The following MBTPS1 variants were observed in gnomAD, a reference collection of about 807,000 sequenced individuals.
MBTPS1 encodes membrane-bound transcription factor site-1 protease.
Under a neutral mutation model 127.8 loss-of-function variants are expected in MBTPS1, and 94 were observed. The observed-to-expected ratio is 0.74, with a 90% CI of 0.62 to 0.87. MBTPS1 has a LOEUF of 0.87. Ranked by LOEUF, MBTPS1 falls within the 40% of genes least tolerant of loss-of-function variation. The pLI is 0.00. For synonymous variants in MBTPS1, 632 were observed against 509.4 expected (o/e 1.24, Z -3.24); for missense variants, 1,636 against 1,353.2 (o/e 1.21, Z -3.28).
intron 1 of MBTPS1, among the ~76,000 whole-genome samples, chr16:84,106,484 G>A (rs1348536560): frequency 6.6e-6 from 1 of 152,178 alleles, no homozygotes; most frequent in East Asian, 1.9e-4. Flanking sequence ...CAGTGGGAAA[G>A]CAAGTGAAAA....
intron 10 of MBTPS1, among the ~76,000 whole-genome samples, chr16:84,083,505 G>A (rs2085972650): frequency 2.0e-5 from 3 of 151,476 alleles, no homozygotes; most frequent in Non-Finnish European, 4.4e-5. Flanking sequence ...TGCCCCAGCT[G>A]CTCTCAAACT....
At chr16:84,099,775 CAA>C (rs57148184) in intron 2 of MBTPS1, among the ~76,000 whole-genome samples, 31 of 76,326 alleles carry the variant, frequency 4.1e-4, no homozygotes, top group African/African-American at 4.0e-4. Flanking sequence ...GCCTCCGTCT[CAA>C]AAAAAAAAAA....
chr16:84,102,190 G>A (rs4782892), intron 1 of MBTPS1, 83 bp from the exon 2 acceptor site: 42,354 of 154,154 alleles, frequency 0.27, 5,967 homozygotes, highest in African/African-American at 0.32. Flanking sequence ...TATAATTTAA[G>A]CAAGTGGGTC....
rs569779112 is a variant in MBTPS1 at position 84,054,203 on chromosome 16, T to G, written c.*246A>C. ...CTCCCGAGTCTTTGGTGCGCACAGCTGCCGGCGGGAAGTCTCACTGGCGGC... is the reference window on the plus strand; with the variant it reads ...CTCCCGAGTCTTTGGTGCGCACAGCGGCCGGCGGGAAGTCTCACTGGCGGC... On this transcript the variant is annotated 3_prime_UTR_variant, in exon 23 of 23. Transcript: ENST00000343411. 14 of 350,186 alleles carry G rather than the reference T, an allele frequency of 4.0e-5. No homozygotes were observed. In the South Asian group the frequency reaches 5.2e-4, roughly 13 times the overall value. The allele number at this position is 350,186 out of a possible 1,614,324, so 21.7% of individuals were successfully genotyped here.
At chr16:84,103,627 A>G (rs1179210065) in intron 1 of MBTPS1, among the ~76,000 whole-genome samples, 1 of 152,202 alleles carries the variant, frequency 6.6e-6, no homozygotes, top group Non-Finnish European at 1.5e-5. Flanking sequence ...TCAAGCTGTA[A>G]AACTCATTCT....
intron 1 of MBTPS1, chr16:84,110,804 G>C (rs12928379): frequency 1.3e-5 from 2 of 152,102 alleles, no homozygotes; most frequent in East Asian, 3.9e-4. Context: ...GAGGCAGGTC[G>C]CCTGCTTTCC....
intron 22 of MBTPS1, among the ~76,000 whole-genome samples, chr16:84,055,189 G>T (rs2085504348): frequency 6.6e-6 from 1 of 152,216 alleles, no homozygotes; most frequent in Non-Finnish European, 1.5e-5. Flanking sequence ...CAATACGACT[G>T]GGCAAGGCCA....
chr16:84,060,599 G>T, intron 20 of MBTPS1, 83 bp downstream of exon 20: 1 of 1,511,836 alleles, frequency 6.6e-7, no homozygotes, highest in African/African-American at 1.4e-5. Context: ...CCCACTTGCT[G>T]GCAGGCACAG....
chr16:84,070,759 A>G lies in MBTPS1; in HGVS notation c.1611T>C (p.Tyr537=). The change falls in exon 13 of 23, where the codon TAT becomes TAC. Residue 537 remains tyrosine (Y), a synonymous_variant. Coordinates refer to ENST00000343411, the MANE Select transcript of MBTPS1 (RefSeq NM_003791.4). ...CAATGTTGTCTCCGTTCTGTGGCAA[A>G]TAGGGCTGCCAGTCAGGCTGCAGGA... ...RIVDKPDWQP[Y]LPQNGDNIEV... is the part of the protein sequence containing the mutation. The G allele has an allele frequency of 6.2e-7, 1 of 1,610,568 alleles. No homozygotes were observed. Among genetic ancestry groups the G allele is most frequent in the Non-Finnish European group, 8.5e-7 (1 of 1,178,042 alleles).
intron 8 of MBTPS1, among the ~76,000 whole-genome samples, chr16:84,090,547 T>G (rs2086089879): frequency 6.6e-6 from 1 of 152,222 alleles, no homozygotes. Flanking sequence ...GAATCCCTAA[T>G]AGATTCACTT....
chr16:84,078,743 G>A (rs1473108964), intron 11 of MBTPS1, among the ~76,000 whole-genome samples: 1 of 152,210 alleles, frequency 6.6e-6, no homozygotes, highest in Non-Finnish European at 1.5e-5. Context: ...CTGACGTGGA[G>A]AGATTTCCAG....
At chr16:84,077,426 C>T (rs140455440) in intron 11 of MBTPS1, among the ~76,000 whole-genome samples, 1 of 152,150 alleles carries the variant, frequency 6.6e-6, no homozygotes, top group East Asian at 1.9e-4. Context: ...ATGGAAAGCT[C>T]AGGGATAGAC....
intron 18 of MBTPS1, among the ~76,000 whole-genome samples, chr16:84,065,289 T>C (rs964055864): frequency 1.1e-4 from 16 of 152,170 alleles, no homozygotes; most frequent in African/African-American, 2.9e-4. Flanking sequence ...GGCTAAATTT[T>C]TGTATTTTTA....
rs748520557 is a variant in MBTPS1, at chr16:84,081,895, G to A, written c.1300C>T (p.Arg434Cys). The A allele has an allele frequency of 6.3e-6, 9 of 1,418,682 alleles. No homozygotes were observed. The highest frequency in any genetic ancestry group is 2.8e-5 in the Admixed American group (1 of 35,592). The allele number at this position is 1,418,682 out of a possible 1,614,324, so 87.9% of individuals were successfully genotyped here. Residue 434 changes from arginine (R) to cysteine (C), a missense_variant, in exon 11 of 23, where the codon CGT (arginine) becomes TGT (cysteine). Coordinates refer to ENST00000343411, the MANE Select transcript of MBTPS1 (RefSeq NM_003791.4). ...VTLLVSTVQK[R>C]ELVNPASMKQ... is the part of the protein sequence containing the mutation. ...ATACTGGCGGGATTCACCAGCTCAC[G>A]CTTCTGGACTGTGCTGGAGGAAAAA...
At chr16:84,095,572 T>G (rs1159639476) in intron 4 of MBTPS1, 30 bp downstream of exon 4, 1 of 1,609,286 alleles carries the variant, frequency 6.2e-7, no homozygotes, top group South Asian at 1.1e-5. Context: ...GTATATCCCA[T>G]AAGCACCTTC....
chr16:84,084,950 G>C lies in MBTPS1; in HGVS notation c.1286+33C>G, dbSNP rs921135875. 21 of 1,604,642 alleles carry C rather than the reference G, an allele frequency of 1.3e-5. No homozygotes were observed. The Admixed American group carries it at 3.4e-4, about 26-fold the overall frequency. On this transcript the variant is annotated intron_variant, in intron 10 of 22. Transcript: ENST00000343411. ...GCACCGAGTGCTCCTGTCCTGACGT[G>C]GGAGCTACTGGTCTCTAGGGGGCAG...
At chr16:84,092,089 T>A (rs886239705) in intron 6 of MBTPS1, among the ~76,000 whole-genome samples, 3 of 152,164 alleles carry the variant, frequency 2.0e-5, no homozygotes, top group Admixed American at 2.0e-4. Flanking sequence ...AGGTGGCCTA[T>A]CTCTCTAGGT....
chr16:84,094,812 C>G (rs947769369), intron 4 of MBTPS1, among the ~76,000 whole-genome samples: 7 of 151,966 alleles, frequency 4.6e-5, no homozygotes, highest in Non-Finnish European at 7.4e-5. Flanking sequence ...TGCCAGTCCA[C>G]CGGGTATTAA....
intron 2 of MBTPS1, among the ~76,000 whole-genome samples, chr16:84,101,369 T>TA (rs1387822223): frequency 6.6e-6 from 1 of 151,860 alleles, no homozygotes; most frequent in African/African-American, 2.4e-5. Flanking sequence ...CAGTCACCTA[T>TA]AATCCCAGCT....
Sources: allele counts gnomAD v4.1 joint callset (sites outside exome capture counted in the v4.1 genomes callset), GRCh38; gene constraint gnomAD v4.1.1; transcripts MANE v1.5; gene names NCBI Gene and HGNC (gene_info 2026-07-23, HGNC 2026-07-21).